ITGAL: variants seen among roughly 807,000 people sequenced by gnomAD.
ITGAL encodes integrin subunit alpha L.
In ITGAL, 68 loss-of-function variants were observed where a neutral mutation model predicts 138.4. The ratio of observed to expected loss-of-function variants is 0.49; its 90% CI spans 0.40 to 0.60. ITGAL has a LOEUF of 0.60. ITGAL is among the 20% of genes least tolerant of loss of function. ITGAL has a pLI of 0.00. For synonymous variants in ITGAL, 561 were observed against 584.3 expected (o/e 0.96, Z 0.57); for missense variants, 1,256 against 1,478.6 (o/e 0.85, Z 2.47).
Position 30,499,320 on chromosome 16 carries a change from CT to C in ITGAL, c.1994-14del, listed in dbSNP as rs766176875. On this transcript the variant is annotated splice_polypyrimidine_tract_variant and intron_variant, in intron 16 of 30. Coordinates refer to ENST00000356798, the MANE Select transcript of ITGAL (RefSeq NM_002209.3). The stretch of plus-strand genomic sequence containing the variant: ...GGATCCCCCACCATTTAACTCTTGC[CT>C]TTTCCGCCCTGCCCAGGCCGCCTGG... 6.8e-6 allele frequency: 11 copies of C among 1,613,930 alleles called. No homozygotes were observed. Among genetic ancestry groups the C allele is most frequent in the East Asian group, 2.2e-5 (1 of 44,874 alleles).
chr16:30,500,344 C>A (rs1283950097), intron 17 of ITGAL, among the ~76,000 whole-genome samples: 2 of 151,686 alleles, frequency 1.3e-5, no homozygotes, highest in African/African-American at 4.8e-5. Flanking sequence ...CCTCGGCCTC[C>A]CAAAGTGCTG....
At position 30,494,192 on chromosome 16, in the gene ITGAL, A is replaced by G. The variant is rs4350585; in HGVS notation, c.1214-20A>G. ...CAGCATCCTGTGTTCCTAACTCCACACCCCACACACTTTCCTCAGGTTACA... is the reference window on the plus strand; with the variant it reads ...CAGCATCCTGTGTTCCTAACTCCACGCCCCACACACTTTCCTCAGGTTACA... On this transcript the variant is annotated intron_variant, in intron 11 of 30. Coordinates refer to ENST00000356798, the MANE Select transcript of ITGAL (RefSeq NM_002209.3). The surrounding 1 kb of genome is among the most constrained non-coding windows in gnomAD (Gnocchi z 4.2). The G allele has an allele frequency of 0.7, 1,101,437 of 1,564,920 alleles. 391,344 individuals are homozygous for G. The highest frequency in any genetic ancestry group is 0.99 in the East Asian group (43,735 of 44,106).
chr16:30,484,954 C>A (rs1010436591), intron 9 of ITGAL, among the ~76,000 whole-genome samples: 1 of 151,234 alleles, frequency 6.6e-6, no homozygotes, highest in Non-Finnish European at 1.5e-5. Flanking sequence ...CAAAAAAAAA[C>A]CTCCCCTGGG....
Position 30,481,582 on chromosome 16 carries a change from C to T in ITGAL, c.720C>T (p.Val240=), listed in dbSNP as rs760586354. ...LTNTFGAINY[V]ATEVFREELG... ...ATACCTTTGGTGCCATCAATTATGT[C>T]GCGTGAGTTCCCTTTTGCAGGAGAG... Residue 240 remains valine, a splice_region_variant and synonymous_variant, in exon 7 of 31, where the codon GTC becomes GTT. Coordinates refer to ENST00000356798, the MANE Select transcript of ITGAL (RefSeq NM_002209.3). 39 of 1,613,258 alleles carry T rather than the reference C, an allele frequency of 2.4e-5. No homozygotes were observed. Among genetic ancestry groups the T allele is most frequent in the South Asian group, 4.4e-5 (4 of 90,926 alleles).
At chr16:30,487,769 G>A (rs1055466331) in intron 9 of ITGAL, among the ~76,000 whole-genome samples, 4 of 151,112 alleles carry the variant, frequency 2.6e-5, no homozygotes, top group Non-Finnish European at 5.9e-5. Flanking sequence ...GCAGTGGTGC[G>A]ATCTTGGCTC....
chr16:30,499,617 T>C, intron 17 of ITGAL, 128 bp downstream of exon 17: 1 of 739,390 alleles, frequency 1.4e-6, no homozygotes. Context: ...TGTGCAATGG[T>C]AGTAATAACA....
Position 30,481,518 on chromosome 16 carries a change from C to T in ITGAL, c.656C>T (p.Ala219Val). 1.2e-6 allele frequency: 2 copies of T among 1,613,422 alleles called. No homozygotes were observed. The highest frequency in any genetic ancestry group is 1.1e-5 in the South Asian group (1 of 91,010). Residue 219 changes from alanine to valine, a missense_variant, in exon 7 of 31, where the codon GCT becomes GTT. Ala to Val is a moderately conservative substitution (Grantham distance 64). Coordinates refer to ENST00000356798, the MANE Select transcript of ITGAL (RefSeq NM_002209.3). Reference protein sequence around the residue: ...SDYVKRKDPDALLKHVKHMLL... With the variant: ...SDYVKRKDPDVLLKHVKHMLL... ...TATGTTAAACGGAAGGACCCTGATG[C>T]TCTGCTGAAGCATGTAAAGCACATG...
chr16:30,484,303 T>G (rs765517251), intron 9 of ITGAL, 40 bp downstream of exon 9: 2 of 1,586,120 alleles, frequency 1.3e-6, no homozygotes, highest in Middle Eastern at 3.4e-4. Context: ...GGAGTCTGCA[T>G]AAAGAAATTC....
At chr16:30,478,697 CAAAA>C (rs59193580) in intron 4 of ITGAL, among the ~76,000 whole-genome samples, 1 of 106,646 alleles carries the variant, frequency 9.4e-6, no homozygotes, top group South Asian at 3.1e-4. Context: ...GACTCCATCT[CAAAA>C]AAAAAAAAAA....
chr16:30,518,619 C>T lies in ITGAL; in HGVS notation c.3133-5C>T. On this transcript the variant is annotated splice_polypyrimidine_tract_variant and splice_region_variant and intron_variant, in intron 28 of 30. Coordinates refer to ENST00000356798, the MANE Select transcript of ITGAL (RefSeq NM_002209.3). ...GGGTTCTGACGCCTTTCCCCGCTCC[C>T]ACAGGCCTCTTCCATGTTCAGCCTC... 6.2e-7 allele frequency: 1 copy of T among 1,610,594 alleles called. No individual in the cohort carries two copies. The highest frequency in any genetic ancestry group is 1.1e-5 in the South Asian group (1 of 91,018).
chr16:30,488,056 A>C (rs1289386411), intron 9 of ITGAL, among the ~76,000 whole-genome samples: 1 of 152,032 alleles, frequency 6.6e-6, no homozygotes, highest in Admixed American at 6.6e-5. Flanking sequence ...TAAGCCAGGC[A>C]CGGTGGTGCA....
intron 17 of ITGAL, 188 bp downstream of exon 17, chr16:30,499,677 G>GTATATATATGTATATATATGTGTGTA (rs2050856607): frequency 2.6e-5 from 2 of 78,206 alleles, no homozygotes; most frequent in South Asian, 4.5e-4. Context: ...ATATATATGT[G>GTATATATATGTATATATATGTGTGTA]TATATATATG....
chr16:30,482,193 C>A (rs954855425), intron 7 of ITGAL, among the ~76,000 whole-genome samples: 1 of 152,086 alleles, frequency 6.6e-6, no homozygotes, highest in Non-Finnish European at 1.5e-5. Flanking sequence ...CCACACCTGG[C>A]CTATGAGCCA....
Position 30,521,878 on chromosome 16 carries a change from A to G in ITGAL, c.*213A>G, listed in dbSNP as rs901364745. The G allele has an allele frequency of 9.3e-6, 5 of 535,302 alleles. No individual in the cohort carries two copies. Among genetic ancestry groups the G allele is most frequent in the African/African-American group, 1.9e-5 (1 of 52,340 alleles). 33.2% of individuals were successfully genotyped at this position (535,302 alleles called of 1,614,324 possible). On this transcript the variant is annotated 3_prime_UTR_variant, in exon 31 of 31. Coordinates refer to ENST00000356798, the MANE Select transcript of ITGAL (RefSeq NM_002209.3). ...CTGAGGGACCAGCCAAGAGGGCTGC[A>G]AAAGTGAGGGCTTGTCATTACCAGA...
chr16:30,521,032 C>T (rs1310651760), intron 30 of ITGAL, among the ~76,000 whole-genome samples: 2 of 151,692 alleles, frequency 1.3e-5, no homozygotes, highest in African/African-American at 4.8e-5. Flanking sequence ...TGCGGTGAGC[C>T]AAGATGGTGC....
intron 9 of ITGAL, 94 bp from the exon 10 acceptor site, chr16:30,488,988 A>G (rs866547673): frequency 8.5e-6 from 9 of 1,060,728 alleles, no homozygotes; most frequent in South Asian, 1.3e-5. Flanking sequence ...CTTACCCAGA[A>G]GTAAATACCT....
intron 17 of ITGAL, 157 bp downstream of exon 17, chr16:30,499,646 CTA>C (rs2050855228): frequency 2.4e-6 from 1 of 417,704 alleles, no homozygotes; most frequent in Non-Finnish European, 4.1e-6. Context: ...ATATTTTCTT[CTA>C]GTGTTTTTTT....
rs1055135987 is a variant in ITGAL at position 30,511,117 on chromosome 16, A to G, written c.2767A>G (p.Ile923Val). ...ATTIIPILYP[I>V]NILIQDQEDS... is the part of the protein sequence containing the mutation. ...TACCATCATCCCCATCCTGTACCCC[A>G]TCAACATCCTCATCCAGGAGTAAGT... Residue 923 changes from isoleucine (I) to valine (V), a missense_variant, in exon 24 of 31, where the codon ATC (isoleucine) becomes GTC (valine). Coordinates refer to ENST00000356798, the MANE Select transcript of ITGAL (RefSeq NM_002209.3). 4 of 1,613,276 alleles carry G rather than the reference A, an allele frequency of 2.5e-6. No homozygotes were observed. Among genetic ancestry groups the G allele is most frequent in the African/African-American group, 2.7e-5 (2 of 74,848 alleles).
At position 30,496,256 on chromosome 16, in the gene ITGAL, A is replaced by T. The variant is rs773640538; in HGVS notation, c.1663A>T (p.Asn555Tyr). The change falls in exon 14 of 31, where the codon AAT (asparagine) becomes TAT (tyrosine). Residue 555 changes from asparagine (N) to tyrosine (Y), a missense_variant. By Grantham distance (143) the Asn-to-Tyr change is moderately radical (BLOSUM62 -2). Around this residue, in one of 3 missense-constraint regions of ITGAL, gnomAD observed 867 missense variants for 972.5 expected, o/e 0.89. Transcript: ENST00000356798. ...LEEQGAVYIFNGRHGGLSPQP... is the reference protein window; with the variant it reads ...LEEQGAVYIFYGRHGGLSPQP... ...GGAGCAGGGGGCTGTGTACATCTTC[A>T]ATGGGAGGCACGGGGGGCTTAGTCC... 1 of 1,605,158 alleles carries T rather than the reference A, an allele frequency of 6.2e-7. No individual in the cohort carries two copies. Among genetic ancestry groups the T allele is most frequent in the South Asian group, 1.1e-5 (1 of 90,240 alleles).
Sources: gnomAD v4.1 joint callset for allele counts (sites outside exome capture counted in the v4.1 genomes callset) on GRCh38, gnomAD v4.1.1 for gene constraint, gnomAD v4.1.1 regional missense constraint, Gnocchi (gnomAD v3.1) non-coding constraint, MANE v1.5 for transcripts, NCBI Gene and HGNC (gene_info 2026-07-23, HGNC 2026-07-21) for gene names.